The following TEX15 variants were observed in gnomAD, a reference collection of about 807,000 sequenced individuals.
TEX15 encodes testis expressed 15, meiosis and synapsis associated.
Under a neutral mutation model 237.3 loss-of-function variants are expected in TEX15, and 171 were observed. That is an observed-to-expected ratio of 0.72 (90% CI 0.64 to 0.82). TEX15 has a LOEUF of 0.82. Ranked by LOEUF, TEX15 falls within the 40% of genes least tolerant of loss-of-function variation. The pLI, the probability that TEX15 is intolerant of heterozygous loss-of-function variation, is 0.00. For synonymous variants in TEX15, 1,338 were observed against 1,269.8 expected, an observed-to-expected ratio of 1.05 and a Z score of -1.14; for missense variants, 3,750 against 3,646.5, an observed-to-expected ratio of 1.03 and a Z score of -0.73.
chr8:30,871,527 G>GACTAGGCT (rs1357238063), intron 4 of TEX15, among the ~76,000 whole-genome samples: 1 of 152,020 alleles, frequency 6.6e-6, no homozygotes. Context: ...TAAAAATAAC[G>GACTAGGCT]ACTAGGCTTG....
Position 30,845,370 on chromosome 8 carries a change from A to C in TEX15, c.4797T>G (p.Asp1599Glu), listed in dbSNP as rs1466014086. Reference protein sequence around the residue: ...EKHSANHNVKDATKENSCDAN... With the variant: ...EKHSANHNVKEATKENSCDAN... ...CGTCACAACTGTTTTCTTTAGTTGCATCTTTAACATTATGATTTGCTGAAT... is the reference window on the plus strand; with the variant it reads ...CGTCACAACTGTTTTCTTTAGTTGCCTCTTTAACATTATGATTTGCTGAAT... Residue 1599 changes from aspartate to glutamate, a missense_variant, in exon 8 of 11, where the codon GAT becomes GAG. Asp to Glu is a conservative substitution (Grantham distance 45, BLOSUM62 2). Coordinates refer to ENST00000643185, the MANE Select transcript of TEX15 (RefSeq NM_001350162.2). The C allele has an allele frequency of 6.2e-7, 1 of 1,611,554 alleles. No individual in the cohort carries two copies. The highest frequency in any genetic ancestry group is 1.3e-5 in the African/African-American group (1 of 75,004).
intron 6 of TEX15, 68 bp from the exon 7 acceptor site, chr8:30,858,898 A>T (rs1807974435): frequency 8.8e-7 from 1 of 1,141,174 alleles, no homozygotes; most frequent in Non-Finnish European, 1.2e-6. Flanking sequence ...TCATATTTTT[A>T]AAAAATCAAT....
intron 7 of TEX15, among the ~76,000 whole-genome samples, chr8:30,851,129 G>A (rs760570728): frequency 1.3e-5 from 2 of 150,682 alleles, no homozygotes; most frequent in Non-Finnish European, 2.9e-5. Context: ...TTACTACTCT[G>A]ATAAACTTGT....
intron 1 of TEX15, among the ~76,000 whole-genome samples, chr8:30,908,586 C>T (rs1010893042): frequency 3.3e-5 from 5 of 152,108 alleles, no homozygotes; most frequent in South Asian, 2.1e-4. Flanking sequence ...AACACTGCCC[C>T]ATCCGGAAAA....
Position 30,844,260 on chromosome 8 carries a change from T to G in TEX15, c.5907A>C (p.Lys1969Asn). 4 of 1,613,268 alleles carry G rather than the reference T, an allele frequency of 2.5e-6. No individual in the cohort carries two copies. The highest frequency in any genetic ancestry group is 3.4e-6 in the Non-Finnish European group (4 of 1,179,510). The change falls in exon 8 of 11, where the codon AAA becomes AAC. Residue 1969 changes from lysine to asparagine, a missense_variant. Lys to Asn is a moderately conservative substitution (Grantham distance 94). Coordinates refer to ENST00000643185, the MANE Select transcript of TEX15 (RefSeq NM_001350162.2). ...PILPAHSETC[K>N]VPTLLKKPAS... ...CAGGTTTCTTCAGAAGAGTAGGGAC[T>G]TTACAGGTTTCAGAGTGGGCAGGTA...
chr8:30,887,891 T>C (rs1379367474), intron 2 of TEX15: 4 of 8,896 alleles, frequency 4.5e-4, no homozygotes, highest in Non-Finnish European at 7.0e-4. Context: ...ATATATTTCA[T>C]ATATATATAT....
At chr8:30,857,227 C>T (rs1247551426) in intron 7 of TEX15, among the ~76,000 whole-genome samples, 1 of 152,104 alleles carries the variant, frequency 6.6e-6, no homozygotes, top group Non-Finnish European at 1.5e-5. Flanking sequence ...ACTGAGACAA[C>T]TGGGTTAGCA....
At chr8:30,865,349 G>A (rs571799083) in intron 5 of TEX15, among the ~76,000 whole-genome samples, 36 of 152,148 alleles carry the variant, frequency 2.4e-4, no homozygotes, top group South Asian at 4.2e-4. Flanking sequence ...AAAAGCCCAG[G>A]TCCTGATGGC....
At chr8:30,862,257 A>T (rs1307272447) in intron 5 of TEX15, among the ~76,000 whole-genome samples, 6 of 152,224 alleles carry the variant, frequency 3.9e-5, no homozygotes, top group Non-Finnish European at 8.8e-5. Context: ...AACAAAACAA[A>T]CTAAAAACCA....
chr8:30,906,429 C>CA (rs1304562923), intron 1 of TEX15, among the ~76,000 whole-genome samples: 4,571 of 143,912 alleles, frequency 0.032, 193 homozygotes, highest in African/African-American at 0.1. Flanking sequence ...ACTAAAAATA[C>CA]AAAAAAAAAA....
In TEX15 at chr8:30,845,915, T is replaced by C. The variant is rs323346; in HGVS notation, c.4252A>G (p.Ile1418Val). Residue 1418 changes from isoleucine (I) to valine (V), a missense_variant, in exon 8 of 11, where the codon ATA (isoleucine) becomes GTA (valine). Coordinates refer to ENST00000643185, the MANE Select transcript of TEX15 (RefSeq NM_001350162.2). ...RKGPLPKSYAIICNNFWESCD... is the reference protein window; with the variant it reads ...RKGPLPKSYAVICNNFWESCD... ...CTTTCCCAGAAATTATTGCATATTA[T>C]TGCATATGATTTTGGTAATGGGCCC... is the stretch of plus-strand genomic sequence containing the variant. The C allele has an allele frequency of 0.21, 346,255 of 1,612,788 alleles. 50,007 individuals carry two copies. The highest frequency in any genetic ancestry group is 0.72 in the African/African-American group (54,152 of 74,886).
At chr8:30,853,299 G>A (rs1396402322) in intron 7 of TEX15, among the ~76,000 whole-genome samples, 1 of 152,058 alleles carries the variant, frequency 6.6e-6, no homozygotes, top group Non-Finnish European at 1.5e-5. Flanking sequence ...AAATCGTCAA[G>A]GAAAGAGAAC....
At chr8:30,864,062 G>T (rs1176906813) in intron 5 of TEX15, among the ~76,000 whole-genome samples, 1 of 152,032 alleles carries the variant, frequency 6.6e-6, no homozygotes, top group Non-Finnish European at 1.5e-5. Flanking sequence ...AGCTAAGTAT[G>T]TGGAGATAGT....
chr8:30,851,910 G>A (rs969830019), intron 7 of TEX15, among the ~76,000 whole-genome samples: 9 of 151,850 alleles, frequency 5.9e-5, no homozygotes, highest in Non-Finnish European at 1.3e-4. Flanking sequence ...CTCCAACCTG[G>A]GTGACAGAGC....
At position 30,842,958 on chromosome 8, in the gene TEX15, T is replaced by C; in HGVS notation, c.7209A>G (p.Lys2403=). The part of the protein sequence containing the change: ...RCTDHLEILK[K]YFQMLQDNNM... The stretch of plus-strand genomic sequence containing the variant: ...TATTATCTTGTAGCATCTGAAAGTA[T>C]TTTTTTAAAATTTCTAAGTGATCTG... Residue 2403 remains lysine (K), a synonymous_variant, in exon 8 of 11, where the codon AAA becomes AAG. Coordinates refer to ENST00000643185, the MANE Select transcript of TEX15 (RefSeq NM_001350162.2). 2 of 1,610,674 alleles carry C rather than the reference T, an allele frequency of 1.2e-6. No homozygotes were observed. Among genetic ancestry groups the C allele is most frequent in the Non-Finnish European group, 1.7e-6 (2 of 1,178,914 alleles).
At chr8:30,860,977 T>G (rs1358191349) in intron 5 of TEX15, among the ~76,000 whole-genome samples, 5 of 151,954 alleles carry the variant, frequency 3.3e-5, no homozygotes, top group Non-Finnish European at 7.4e-5. Flanking sequence ...GACAAGTGAC[T>G]TGCAATTACA....
intron 4 of TEX15, among the ~76,000 whole-genome samples, chr8:30,871,248 G>A (rs1808285458): frequency 6.6e-6 from 1 of 152,020 alleles, no homozygotes. Context: ...CACAGGTTCT[G>A]GGGAGTAGGA....
At chr8:30,841,403 C>A (rs1012134337) in intron 8 of TEX15, among the ~76,000 whole-genome samples, 6 of 152,046 alleles carry the variant, frequency 3.9e-5, no homozygotes, top group African/African-American at 1.4e-4. Context: ...CCTCTGTGTC[C>A]CACTTTCCTT....
At chr8:30,894,901 A>C (rs1808864073) in intron 2 of TEX15, among the ~76,000 whole-genome samples, 2 of 152,208 alleles carry the variant, frequency 1.3e-5, no homozygotes, top group African/African-American at 4.8e-5. Context: ...AGCTTCCACC[A>C]TGTGAAGATG....
Sources: gnomAD v4.1 joint callset for allele counts (sites outside exome capture counted in the v4.1 genomes callset) on GRCh38, gnomAD v4.1.1 for gene constraint, MANE v1.5 for transcripts, NCBI Gene and HGNC (gene_info 2026-07-23, HGNC 2026-07-21) for gene names.